Variants in UBE3D observed in about 807,000 individuals in gnomAD.
The protein encoded by UBE3D is ubiquitin protein ligase E3D.
UBE3D carries 48 observed loss-of-function variants against 49.6 expected under a neutral mutation model. The observed-to-expected ratio is 0.97, with a 90% CI of 0.77 to 1.23. The LOEUF (loss-of-function observed/expected upper bound fraction) is 1.23, where lower values mean the gene tolerates loss of function less well. Ranked by LOEUF, UBE3D falls within the 50% of genes most tolerant of loss-of-function variation. The pLI is 0.00. For synonymous variants in UBE3D, 189 were observed against 174.2 expected (o/e 1.08, Z -0.67); for missense variants, 452 against 468.4 (o/e 0.96, Z 0.32).
intron 3 of UBE3D, among the ~76,000 whole-genome samples, chr6:83,052,832 T>C (rs1224307745): frequency 6.6e-6 from 1 of 152,170 alleles, no homozygotes; most frequent in Admixed American, 6.5e-5. Flanking sequence ...ATTACTTAGC[T>C]GTGCTAAAAT....
Position 82,925,205 on chromosome 6 carries a change from T to C in UBE3D, c.1149+32107A>G, listed in dbSNP as rs190035824. 3.3e-5 allele frequency: 5 copies of C among 152,308 alleles called. No homozygotes were observed. In the East Asian group the frequency reaches 7.7e-4, roughly 23 times the overall value. 9.4% of individuals were successfully genotyped at this position (152,308 alleles called of 1,614,324 possible). A position where few individuals can be genotyped will look rare whatever the true frequency, so the allele number is the denominator to read the frequency against. On this transcript the variant is annotated intron_variant, in intron 9 of 9. Coordinates refer to ENST00000369747, the MANE Select transcript of UBE3D (RefSeq NM_198920.3). ...CTGTAAGCAAAGTCTACCTTAACAA[T>C]AAAATAATGATTCAAAGAAGGAATA...
At chr6:82,910,573 A>C (rs1000564904) in intron 9 of UBE3D, among the ~76,000 whole-genome samples, 1 of 152,132 alleles carries the variant, frequency 6.6e-6, no homozygotes, top group Non-Finnish European at 1.5e-5. Flanking sequence ...ACAAGCCTCA[A>C]AGTTGAGACC....
intron 3 of UBE3D, among the ~76,000 whole-genome samples, chr6:83,050,832 C>G (rs1483447230): frequency 6.8e-6 from 1 of 146,974 alleles, no homozygotes; most frequent in Non-Finnish European, 1.5e-5. Flanking sequence ...CTAAGGATTT[C>G]TCTGCATTAC....
chr6:82,956,815 T>G (rs555443918), intron 9 of UBE3D, among the ~76,000 whole-genome samples: 1 of 152,266 alleles, frequency 6.6e-6, no homozygotes, highest in South Asian at 2.1e-4. Context: ...GAGCATCTGT[T>G]TGTTCATTTA....
At chr6:83,057,714 T>C in intron 2 of UBE3D, 112 bp downstream of exon 2, 1 of 1,042,026 alleles carries the variant, frequency 9.6e-7, no homozygotes, top group Non-Finnish European at 1.4e-6. Flanking sequence ...ACAAAGACCC[T>C]AGAGCTTCTC....
intron 8 of UBE3D, among the ~76,000 whole-genome samples, chr6:82,979,474 C>A (rs1777960984): frequency 6.6e-6 from 1 of 152,106 alleles, no homozygotes; most frequent in African/African-American, 2.4e-5. Context: ...CCAGGAAGTT[C>A]TTTGAACTGA....
At chr6:83,026,590 T>C (rs1043184855) in intron 5 of UBE3D, among the ~76,000 whole-genome samples, 1 of 152,150 alleles carries the variant, frequency 6.6e-6, no homozygotes, top group African/African-American at 2.4e-5. Flanking sequence ...CATGACAGAT[T>C]TACCCATTTA....
In UBE3D at chr6:83,065,642, C is replaced by A. The variant is rs899765355; in HGVS notation, c.77G>T (p.Gly26Val). 1 of 1,613,926 alleles carries A rather than the reference C, an allele frequency of 6.2e-7. No individual in the cohort carries two copies. Among genetic ancestry groups the A allele is most frequent in the Non-Finnish European group, 8.5e-7 (1 of 1,179,898 alleles). ...GQLQSALLIL[G>V]EPKEGGMPMN... ...CTGCGCCTAGAATCCCAGTTCTTAC[C>A]CCAGGATCAGAAGCGCGCTCTGCAG... Residue 26 changes from glycine (G) to valine (V), a missense_variant and splice_region_variant, in exon 1 of 10, where the codon GGA becomes GTA. Gly to Val is a moderately radical substitution (Grantham distance 109). Transcript: ENST00000369747.
intron 5 of UBE3D, among the ~76,000 whole-genome samples, chr6:83,034,011 G>A (rs1158569750): frequency 6.6e-6 from 1 of 152,156 alleles, no homozygotes; most frequent in African/African-American, 2.4e-5. Context: ...CAATATAGTA[G>A]CAGTTTTCCA....
chr6:82,893,089 C>T (rs752462623), intron 9 of UBE3D, 47 bp from the exon 10 acceptor site: 2 of 1,608,740 alleles, frequency 1.2e-6, no homozygotes, highest in Non-Finnish European at 1.7e-6. Context: ...TATAATATGA[C>T]AAAATGGCTG....
At chr6:82,887,389 G>GTTTTTGTTTTGTTTTGTTTTTTTTTTT in the UBE3D span, among the ~76,000 whole-genome samples, 21 of 98,330 alleles carry the variant, frequency 2.1e-4, 1 homozygote, top group East Asian at 5.9e-4. Flanking sequence ...GACAGTAACA[G>GTTTTTGTTTTGTTTTGTTTTTTTTTTT]TTTTTTTTTT....
intron 9 of UBE3D, among the ~76,000 whole-genome samples, chr6:82,916,858 C>T (rs113881638): frequency 1.7e-3 from 258 of 152,260 alleles, no homozygotes; most frequent in African/African-American, 5.9e-3. Context: ...GCTGGACCCC[C>T]GATACCAACT....
chr6:82,996,360 T>G (rs916567039), intron 8 of UBE3D, among the ~76,000 whole-genome samples: 3 of 150,040 alleles, frequency 2.0e-5, no homozygotes, highest in Non-Finnish European at 4.5e-5. Context: ...ATAAATAAAA[T>G]CATAGTATGG....
chr6:83,036,340 A>G (rs12209871), intron 5 of UBE3D: 16,482 of 150,840 alleles, frequency 0.11, 1,035 homozygotes, highest in Non-Finnish European at 0.15. Flanking sequence ...TTAATTTTCA[A>G]TCTCTGTCTT....
intron 9 of UBE3D, among the ~76,000 whole-genome samples, chr6:82,903,563 T>A (rs1771888100): frequency 6.6e-6 from 1 of 152,142 alleles, no homozygotes. Context: ...AATAATTAAA[T>A]AACAGGTAAG....
At chr6:82,917,904 T>G (rs1283894448) in intron 9 of UBE3D, among the ~76,000 whole-genome samples, 3 of 152,220 alleles carry the variant, frequency 2.0e-5, no homozygotes, top group African/African-American at 4.8e-5. Context: ...GCTTAACCCT[T>G]GCTGCTATTG....
At chr6:83,021,421 G>A (rs1400677332) in intron 7 of UBE3D, among the ~76,000 whole-genome samples, 2 of 151,780 alleles carry the variant, frequency 1.3e-5, no homozygotes, top group Non-Finnish European at 2.9e-5. Flanking sequence ...CAGCCTGTGT[G>A]ATAGAGTAAG....
At chr6:82,901,689 TGCAAACTCAAAG>T (rs1771749738) in intron 9 of UBE3D, among the ~76,000 whole-genome samples, 1 of 152,198 alleles carries the variant, frequency 6.6e-6, no homozygotes, top group African/African-American at 2.4e-5. Context: ...TCTAGACCAG[TGCAAACTCAAAG>T]GTGCTGATTT....
At chr6:82,886,371 C>G in the UBE3D span, among the ~76,000 whole-genome samples, 23 of 152,106 alleles carry the variant, frequency 1.5e-4, no homozygotes, top group Admixed American at 1.4e-3. Context: ...CAAGGTTCAC[C>G]TCCTATGGGA....
Sources: allele counts gnomAD v4.1 joint callset (sites outside exome capture counted in the v4.1 genomes callset), GRCh38; gene constraint gnomAD v4.1.1; transcripts MANE v1.5; gene names NCBI Gene and HGNC (gene_info 2026-07-23, HGNC 2026-07-21).